The following INSC variants were observed in gnomAD, a reference collection of about 807,000 sequenced individuals.
The protein encoded by INSC is INSC spindle orientation adaptor protein.
A neutral mutation model predicts 58.6 loss-of-function variants in INSC; 67 were observed. That is an observed-to-expected ratio of 1.14 (90% confidence interval 0.94 to 1.40). The LOEUF is 1.40. Ranked by LOEUF, INSC falls within the 40% of genes most tolerant of loss-of-function variation. The probability of loss-of-function intolerance (pLI) is 0.00; values close to 1 mark genes in which losing one functional copy is unlikely to be tolerated. For missense variants in INSC, 714 were observed against 692.0 expected (o/e 1.03, Z -0.36); for synonymous variants, 262 against 276.1 (o/e 0.95, Z 0.51).
chr11:15,251,934 G>A (rs1324479875), downstream of INSC, among the ~76,000 whole-genome samples: 1 of 152,116 alleles, frequency 6.6e-6, no homozygotes, highest in East Asian at 1.9e-4. Flanking sequence ...TATACACTAA[G>A]GTTCATAACA....
intron 12 of INSC, among the ~76,000 whole-genome samples, chr11:15,244,990 C>T (rs567408988): frequency 2.6e-5 from 4 of 152,314 alleles, no homozygotes; most frequent in South Asian, 2.1e-4. Context: ...TAAAGCACTT[C>T]GTTTATTCAT....
chr11:15,115,209 G>C (rs899199630), intron 1 of INSC, among the ~76,000 whole-genome samples: 3 of 152,222 alleles, frequency 2.0e-5, no homozygotes, highest in African/African-American at 7.2e-5. Context: ...GTGCCCCAGG[G>C]TGCGAGTGTG....
chr11:15,126,772 G>A (rs1246815194), intron 1 of INSC, among the ~76,000 whole-genome samples: 1 of 152,164 alleles, frequency 6.6e-6, no homozygotes, highest in Non-Finnish European at 1.5e-5. Flanking sequence ...ATCTAGCTGA[G>A]GCTTGATACA....
intron 5 of INSC, among the ~76,000 whole-genome samples, chr11:15,180,119 A>G (rs139252867): frequency 0.023 from 3,557 of 152,182 alleles, 139 homozygotes; most frequent in African/African-American, 0.08. Flanking sequence ...TAAGCCGGGC[A>G]TGGTGGCGAG....
intron 1 of INSC, among the ~76,000 whole-genome samples, chr11:15,134,827 C>CTTTA (rs112337509): frequency 0.026 from 3,908 of 150,890 alleles, 60 homozygotes; most frequent in African/African-American, 0.046. Context: ...CATCTTCCTC[C>CTTTA]TTTATTTATT....
At chr11:15,178,740 A>ATTAT (rs1381636778) in intron 5 of INSC, among the ~76,000 whole-genome samples, 11 of 152,154 alleles carry the variant, frequency 7.2e-5, no homozygotes, top group Non-Finnish European at 1.5e-4. Context: ...AGAGCCCAGC[A>ATTAT]TCTCCCAATT....
chr11:15,261,909 G>A, the INSC span, among the ~76,000 whole-genome samples: 2 of 152,114 alleles, frequency 1.3e-5, no homozygotes, highest in Non-Finnish European at 1.5e-5. Context: ...ACGTAATGGA[G>A]GTGAGGAAGA....
At chr11:15,193,689 C>T (rs1285944464) in intron 6 of INSC, among the ~76,000 whole-genome samples, 1 of 152,216 alleles carries the variant, frequency 6.6e-6, no homozygotes, top group Non-Finnish European at 1.5e-5. Context: ...TCCAGTCTAT[C>T]ACTGATGGAC....
intron 2 of INSC, among the ~76,000 whole-genome samples, chr11:15,161,631 G>C (rs1355647856): frequency 6.6e-6 from 1 of 152,212 alleles, no homozygotes; most frequent in Non-Finnish European, 1.5e-5. Context: ...AAACATGCCT[G>C]TTGCAACCTG....
chr11:15,258,777 C>G, the INSC span, among the ~76,000 whole-genome samples: 1 of 152,184 alleles, frequency 6.6e-6, no homozygotes, highest in African/African-American at 2.4e-5. Flanking sequence ...AGATATGCAA[C>G]TTGAAATCAA....
chr11:15,175,963 G>A lies in INSC; in HGVS notation c.279G>A (p.Gln93=). 6.2e-7 allele frequency: 1 copy of A among 1,613,940 alleles called. No homozygotes were observed. The highest frequency in any genetic ancestry group is 8.5e-7 in the Non-Finnish European group (1 of 1,179,916). Residue 93 remains glutamine (Q), a synonymous_variant, in exon 3 of 13, where the codon CAG becomes CAA. Transcript: ENST00000379556. ...VISTELRRIG[Q]KLAQDRWARV... ...GCACAGAGCTGCGCAGGATCGGGCA[G>A]AAGCTGGCCCAGGACCGCTGGGCAC...
intron 5 of INSC, chr11:15,188,114 C>G (rs764483332): frequency 1.9e-4 from 168 of 899,204 alleles, no homozygotes; most frequent in Admixed American, 2.5e-4. Flanking sequence ...TCAGTTATAG[C>G]TTGGAGTAGC....
chr11:15,151,951 C>T (rs1167212365), intron 2 of INSC, among the ~76,000 whole-genome samples: 1 of 152,166 alleles, frequency 6.6e-6, no homozygotes, highest in Admixed American at 6.5e-5. Context: ...GGTGGCAATA[C>T]TGATTAATAG....
At chr11:15,209,222 G>C (rs1328943364) in intron 7 of INSC, among the ~76,000 whole-genome samples, 1 of 152,172 alleles carries the variant, frequency 6.6e-6, no homozygotes, top group East Asian at 1.9e-4. Flanking sequence ...TTGGTGCCCA[G>C]CTCTACCACT....
chr11:15,112,649 G>C (rs1398961808), upstream of INSC: 3 of 545,938 alleles, frequency 5.5e-6, 1 homozygote, highest in Non-Finnish European at 8.2e-6. Context: ...TTGGGAAGTG[G>C]GGGGGGGGCA....
At chr11:15,117,047 A>G (rs1847746020) in intron 1 of INSC, among the ~76,000 whole-genome samples, 1 of 149,706 alleles carries the variant, frequency 6.7e-6, no homozygotes, top group African/African-American at 2.5e-5. Context: ...GATTCAAGCG[A>G]TTCTCCTGCC....
At chr11:15,155,484 T>G (rs1271282813) in intron 2 of INSC, among the ~76,000 whole-genome samples, 2 of 152,208 alleles carry the variant, frequency 1.3e-5, no homozygotes, top group African/African-American at 4.8e-5. Context: ...AAGTACTGGG[T>G]GCTGTTGTAG....
rs1351199617 is a variant in INSC at position 15,239,043 on chromosome 11, A to G, written c.1362A>G (p.Pro454=). The change falls in exon 11 of 13, where the codon CCA becomes CCG. Residue 454 remains proline (P), a synonymous_variant. Coordinates refer to ENST00000379556, the MANE Select transcript of INSC (RefSeq NM_001042536.3). Reference sequence around the variant, plus strand: ...CCCTGGCTCGTCTCAGCCGAGACCCAGATGTGGCACGGGAGGCCGTGCGGC... The same window carrying G: ...CCCTGGCTCGTCTCAGCCGAGACCCGGATGTGGCACGGGAGGCCGTGCGGC... ...AVTLARLSRD[P]DVAREAVRLS... 6.2e-7 allele frequency: 1 copy of G among 1,613,962 alleles called. No homozygotes were observed. The highest frequency in any genetic ancestry group is 2.2e-5 in the East Asian group (1 of 44,874).
chr11:15,128,554 T>C (rs1416093514), intron 1 of INSC, among the ~76,000 whole-genome samples: 1 of 152,178 alleles, frequency 6.6e-6, no homozygotes, highest in Non-Finnish European at 1.5e-5. Context: ...AGGCTGAAGG[T>C]TTCTTCTCTG....
Sources: gnomAD v4.1 joint callset for allele counts (sites outside exome capture counted in the v4.1 genomes callset) on GRCh38, gnomAD v4.1.1 for gene constraint, MANE v1.5 for transcripts, NCBI Gene and HGNC (gene_info 2026-07-23, HGNC 2026-07-21) for gene names.